PTGFRN: variants seen among roughly 807,000 people sequenced by gnomAD.
The protein encoded by PTGFRN is prostaglandin F2 receptor inhibitor, also known as prostaglandin F2 receptor negative regulator.
A neutral mutation model predicts 83.2 loss-of-function variants in PTGFRN; 35 were observed. That is an observed-to-expected ratio of 0.42 (90% CI 0.32 to 0.56). The LOEUF is 0.56. Among genes scored for constraint, PTGFRN ranks in the 20% least tolerant of loss-of-function variants. The probability of loss-of-function intolerance (pLI) is 0.11; values close to 1 mark genes in which losing one functional copy is unlikely to be tolerated. For synonymous variants in PTGFRN, 519 were observed against 498.6 expected (o/e 1.04, Z -0.55); for missense variants, 1,051 against 1,179.5 (o/e 0.89, Z 1.60).
chr1:116,974,849 T>C (rs984547243), intron 7 of PTGFRN, among the ~76,000 whole-genome samples: 2 of 152,122 alleles, frequency 1.3e-5, no homozygotes, highest in African/African-American at 4.8e-5. Flanking sequence ...ATCGGGTTCA[T>C]CTCACTGGGG....
At chr1:116,967,752 A>G (rs1650882535) in intron 6 of PTGFRN, among the ~76,000 whole-genome samples, 1 of 152,214 alleles carries the variant, frequency 6.6e-6, no homozygotes, top group South Asian at 2.1e-4. Flanking sequence ...TGTAGCATGT[A>G]TCAGTGCTTT....
At chr1:116,929,592 C>T (rs1471477485) in intron 1 of PTGFRN, among the ~76,000 whole-genome samples, 1 of 152,132 alleles carries the variant, frequency 6.6e-6, no homozygotes, top group East Asian at 1.9e-4. Context: ...GCAGTTTTGC[C>T]CCAGAGCTTC....
rs1171564821 is a variant in PTGFRN, at chr1:116,927,525, C to CT, written c.50-14171dup. Among the ~76,000 whole-genome samples the CT allele has an allele frequency of 3.7e-3, 458 of 124,392 alleles. 5 individuals are homozygous for CT. Among genetic ancestry groups the CT allele is most frequent in the Middle Eastern group, 7.9e-3 (2 of 254 alleles). The allele number at this position is 124,392 out of a possible 152,430, so 81.6% of individuals were successfully genotyped here. A position where few individuals can be genotyped will look rare whatever the true frequency, so the allele number is the denominator to read the frequency against. ...CTGTATGTCTTTCTGCCTTGCTTACCTTTTTTTTTTTTTTTTTTTGATACA... is the reference window on the plus strand; with the variant it reads ...CTGTATGTCTTTCTGCCTTGCTTACCTTTTTTTTTTTTTTTTTTTTGATACA... On this transcript the variant is annotated intron_variant, in intron 1 of 8. Coordinates refer to ENST00000393203, the MANE Select transcript of PTGFRN (RefSeq NM_020440.4).
intron 1 of PTGFRN, among the ~76,000 whole-genome samples, chr1:116,929,919 T>TAG (rs1570649344): frequency 6.6e-6 from 1 of 152,200 alleles, no homozygotes; most frequent in South Asian, 2.1e-4. Context: ...TCCTGGCTCT[T>TAG]ACTTTCCAGA....
rs186216236 is a variant in PTGFRN at position 116,978,577 on chromosome 1, T to C, written c.2167+4254T>C. ...GCAAGGCTGGTTCAACATATGCAAATCAATAAATGTAATCCAGCATATAAA... is the reference window on the plus strand; with the variant it reads ...GCAAGGCTGGTTCAACATATGCAAACCAATAAATGTAATCCAGCATATAAA... On this transcript the variant is annotated intron_variant, in intron 7 of 8. Coordinates refer to ENST00000393203, the MANE Select transcript of PTGFRN (RefSeq NM_020440.4). 7.8e-3 allele frequency among the ~76,000 whole-genome samples: 1,193 copies of C among 152,222 alleles called. 19 individuals are homozygous for C. The highest frequency in any genetic ancestry group is 0.028 in the African/African-American group (1,144 of 41,534).
At chr1:116,969,772 G>T (rs1035614263) in intron 6 of PTGFRN, among the ~76,000 whole-genome samples, 1 of 152,036 alleles carries the variant, frequency 6.6e-6, no homozygotes, top group Non-Finnish European at 1.5e-5. Context: ...TTTTTCCATG[G>T]TGTTTCGTAG....
chr1:116,949,847 C>T (rs1393864692), intron 4 of PTGFRN, among the ~76,000 whole-genome samples: 1 of 152,170 alleles, frequency 6.6e-6, no homozygotes, highest in Non-Finnish European at 1.5e-5. Flanking sequence ...AGGGTCAGGG[C>T]ACTGCTGAAT....
chr1:116,940,229 C>T (rs544187315), intron 1 of PTGFRN, among the ~76,000 whole-genome samples: 1 of 152,186 alleles, frequency 6.6e-6, no homozygotes, highest in Non-Finnish European at 1.5e-5. Context: ...ATCAAGGTGT[C>T]GGGGAGTGGT....
Position 116,950,787 on chromosome 1 carries a change from C to A in PTGFRN, c.1213+1215C>A, listed in dbSNP as rs375541121. On this transcript the variant is annotated intron_variant, in intron 4 of 8. Transcript: ENST00000393203. Reference sequence around the variant, plus strand: ...GATGGAGACGAGGCAGGGTGTTCATCAGCCCTGTTAGCAAAGTAATCCTTT... The same window carrying A: ...GATGGAGACGAGGCAGGGTGTTCATAAGCCCTGTTAGCAAAGTAATCCTTT... Among the ~76,000 whole-genome samples the A allele has an allele frequency of 4.0e-3, 603 of 152,274 alleles. 4 individuals carry two copies. The highest frequency in any genetic ancestry group is 0.026 in the South Asian group (127 of 4,826).
Position 116,918,185 on chromosome 1 carries a change from C to T in PTGFRN, c.49+7933C>T, listed in dbSNP as rs1235831761. ...CTTCTGTTCTTTATACCCTTCCAGC[C>T]TTACTTCATCTCCCAATTAAAAGAG... On this transcript the variant is annotated intron_variant, in intron 1 of 8. Transcript: ENST00000393203. This position sits in a 1 kb window ranked among gnomAD's most constrained non-coding sequence, Gnocchi z 4.1. 7.9e-5 allele frequency among the ~76,000 whole-genome samples: 12 copies of T among 152,246 alleles called. No homozygotes were observed. The highest frequency in any genetic ancestry group is 2.6e-4 in the African/African-American group (11 of 41,538).
rs944 is a variant in PTGFRN, at chr1:116,990,176, C to G, written c.*3209C>G. The G allele has an allele frequency of 0.21, 32,004 of 152,478 alleles. 4,035 individuals are homozygous for G. Among genetic ancestry groups the G allele is most frequent in the Admixed American group, 0.36 (5,553 of 15,266 alleles). The allele number at this position is 152,478 out of a possible 1,614,324, so 9.4% of individuals were successfully genotyped here. ...CCCTAGAAGAGAAAACGCTGACTTT[C>G]TTTTTAAGTGTGGCACATAAGGATC... is the stretch of plus-strand genomic sequence containing the variant. On this transcript the variant is annotated 3_prime_UTR_variant, in exon 9 of 9. Coordinates refer to ENST00000393203, the MANE Select transcript of PTGFRN (RefSeq NM_020440.4).
chr1:116,928,235 T>C (rs1473917516), intron 1 of PTGFRN, among the ~76,000 whole-genome samples: 1 of 152,200 alleles, frequency 6.6e-6, no homozygotes, highest in South Asian at 2.1e-4. Context: ...CATCACTTAG[T>C]ATTCTTTCAC....
At chr1:116,940,731 C>G (rs1422540126) in intron 1 of PTGFRN, among the ~76,000 whole-genome samples, 1 of 152,204 alleles carries the variant, frequency 6.6e-6, no homozygotes, top group Non-Finnish European at 1.5e-5. Context: ...AGAGAGGTCT[C>G]TCAGATTGCA....
intron 1 of PTGFRN, among the ~76,000 whole-genome samples, chr1:116,916,571 C>A (rs1649411953): frequency 1.3e-5 from 2 of 152,152 alleles, no homozygotes; most frequent in Admixed American, 1.3e-4. Flanking sequence ...GATACTGATA[C>A]CCACAGGGCA....
intron 4 of PTGFRN, among the ~76,000 whole-genome samples, chr1:116,950,540 C>T (rs1158167939): frequency 6.6e-6 from 1 of 152,184 alleles, no homozygotes; most frequent in Non-Finnish European, 1.5e-5. Flanking sequence ...GAAACCATTT[C>T]CTCCTTTGTC....
chr1:116,949,712 A>G lies in PTGFRN; in HGVS notation c.1213+140A>G, dbSNP rs1570661315. The stretch of plus-strand genomic sequence containing the variant: ...TTGGTTCATGCATACTTTGGCCCAG[A>G]TAGATCCCAAGCTGGGGATGAAATA... On this transcript the variant is annotated intron_variant, in intron 4 of 8. Coordinates refer to ENST00000393203, the MANE Select transcript of PTGFRN (RefSeq NM_020440.4). 8 of 1,215,204 alleles carry G rather than the reference A, an allele frequency of 6.6e-6. No homozygotes were observed. The East Asian group carries it at 2.0e-4, about 31-fold the overall frequency. 75.3% of individuals were successfully genotyped at this position (1,215,204 alleles called of 1,614,324 possible).
chr1:116,937,293 A>G (rs970181531), intron 1 of PTGFRN, among the ~76,000 whole-genome samples: 2 of 152,242 alleles, frequency 1.3e-5, no homozygotes, highest in African/African-American at 4.8e-5. Context: ...TTTCATCTGA[A>G]TGAGATGGGA....
At chr1:116,933,914 G>A (rs950500286) in intron 1 of PTGFRN, among the ~76,000 whole-genome samples, 2 of 152,032 alleles carry the variant, frequency 1.3e-5, no homozygotes, top group Non-Finnish European at 2.9e-5. Context: ...TGCATCTGTG[G>A]CATGATGTCT....
intron 1 of PTGFRN, among the ~76,000 whole-genome samples, chr1:116,938,029 A>G (rs1649965126): frequency 6.6e-6 from 1 of 152,198 alleles, no homozygotes; most frequent in Admixed American, 6.5e-5. Flanking sequence ...GCTTTCTTCT[A>G]GAAGATCTCA....
Sources: allele counts gnomAD v4.1 joint callset (sites outside exome capture counted in the v4.1 genomes callset), GRCh38; gene constraint gnomAD v4.1.1; non-coding constraint Gnocchi (gnomAD v3.1); transcripts MANE v1.5; gene names NCBI Gene and HGNC (gene_info 2026-07-23, HGNC 2026-07-21).